The following PTPRD variants were observed in gnomAD, a reference collection of about 807,000 sequenced individuals.
PTPRD encodes receptor-type tyrosine-protein phosphatase delta.
Under a neutral mutation model 214.5 loss-of-function variants are expected in PTPRD, and 34 were observed. The ratio of observed to expected loss-of-function variants is 0.16; its 90% CI spans 0.12 to 0.21. The LOEUF (loss-of-function observed/expected upper bound fraction) is 0.21. PTPRD is among the 10% of genes least tolerant of loss of function. PTPRD has a pLI of 1.00. For synonymous variants in PTPRD, 1,128 were observed against 845.7 expected (o/e 1.33, Z -5.79); for missense variants, 2,545 against 2,398.7 (o/e 1.06, Z -1.27).
chr9:9,677,519 C>T (rs186127349), intron 7 of PTPRD, among the ~76,000 whole-genome samples: 26 of 152,072 alleles, frequency 1.7e-4, no homozygotes, highest in Non-Finnish European at 2.8e-4. Context: ...AATTCAACAA[C>T]ACTTCATGCT....
chr9:10,079,071 G>A (rs2098186323), intron 3 of PTPRD, among the ~76,000 whole-genome samples: 1 of 151,578 alleles, frequency 6.6e-6, no homozygotes, highest in African/African-American at 2.4e-5. Flanking sequence ...TTTACACCTG[G>A]GTGTACCTGT....
At chr9:10,083,909 C>A (rs978313258) in intron 3 of PTPRD, among the ~76,000 whole-genome samples, 10 of 152,014 alleles carry the variant, frequency 6.6e-5, no homozygotes, top group African/African-American at 2.4e-4. Flanking sequence ...CAGTTCCTAA[C>A]AGACCAGTCC....
chr9:8,634,305 C>A (rs1335163000), intron 13 of PTPRD, among the ~76,000 whole-genome samples: 1 of 151,458 alleles, frequency 6.6e-6, no homozygotes, highest in Non-Finnish European at 1.5e-5. Context: ...TCTGTCTTTT[C>A]TGTAACTATG....
intron 2 of PTPRD, among the ~76,000 whole-genome samples, chr9:10,568,728 GC>G (rs889900483): frequency 1.3e-5 from 2 of 152,220 alleles, no homozygotes; most frequent in African/African-American, 4.8e-5. Flanking sequence ...TATGTAGAAA[GC>G]TAAAACTGGA....
intron 4 of PTPRD, among the ~76,000 whole-genome samples, chr9:9,941,659 A>T (rs2091481174): frequency 6.6e-6 from 1 of 152,168 alleles, no homozygotes; most frequent in Non-Finnish European, 1.5e-5. Flanking sequence ...TCACAATGTA[A>T]GGAAAGGGTT....
chr9:9,693,808 AC>A (rs2097319586), intron 7 of PTPRD, among the ~76,000 whole-genome samples: 1 of 152,002 alleles, frequency 6.6e-6, no homozygotes, highest in Non-Finnish European at 1.5e-5. Context: ...GTCTCCTCTG[AC>A]TGTATTTTCA....
chr9:10,560,634 T>G (rs766303476), intron 2 of PTPRD, among the ~76,000 whole-genome samples: 1 of 150,024 alleles, frequency 6.7e-6, no homozygotes, highest in Non-Finnish European at 1.5e-5. Context: ...GGAGTAAGAA[T>G]AAGAGAATCT....
chr9:9,846,973 A>C (rs2059652087), intron 5 of PTPRD, among the ~76,000 whole-genome samples: 1 of 152,204 alleles, frequency 6.6e-6, no homozygotes, highest in Non-Finnish European at 1.5e-5. Flanking sequence ...ATATCATGCC[A>C]TAAAATATAT....
chr9:9,733,859 G>A (rs1238051001), intron 7 of PTPRD, among the ~76,000 whole-genome samples: 1 of 152,076 alleles, frequency 6.6e-6, no homozygotes, highest in Non-Finnish European at 1.5e-5. Flanking sequence ...GAATGTGATA[G>A]TGAGCAATAT....
At chr9:8,769,325 G>C (rs1269883045) in intron 11 of PTPRD, among the ~76,000 whole-genome samples, 3 of 152,106 alleles carry the variant, frequency 2.0e-5, no homozygotes, top group East Asian at 3.9e-4. Flanking sequence ...GTAAACACTA[G>C]TACTGAGAAC....
intron 3 of PTPRD, among the ~76,000 whole-genome samples, chr9:10,311,647 C>T (rs1438339389): frequency 6.6e-6 from 1 of 152,014 alleles, no homozygotes; most frequent in Non-Finnish European, 1.5e-5. Context: ...AATTAAAGCA[C>T]ATAAAGCTAC....
At chr9:9,729,743 G>C (rs892486464) in intron 7 of PTPRD, among the ~76,000 whole-genome samples, 3 of 151,500 alleles carry the variant, frequency 2.0e-5, no homozygotes, top group African/African-American at 7.3e-5. Flanking sequence ...CTATCAAATG[G>C]TTTGCAACAA....
At chr9:8,495,781 C>T (rs2136485595) in intron 26 of PTPRD, among the ~76,000 whole-genome samples, 1 of 152,262 alleles carries the variant, frequency 6.6e-6, no homozygotes, top group Non-Finnish European at 1.5e-5. Context: ...CACTGGCAAT[C>T]CCATGAGAAC....
At chr9:10,283,371 A>T (rs1218303200) in intron 3 of PTPRD, among the ~76,000 whole-genome samples, 1 of 152,218 alleles carries the variant, frequency 6.6e-6, no homozygotes, top group Admixed American at 6.5e-5. Context: ...CCATAAAGGC[A>T]AAGACAATGT....
chr9:9,216,227 G>GT (rs2099952109), intron 9 of PTPRD, among the ~76,000 whole-genome samples: 1 of 152,034 alleles, frequency 6.6e-6, no homozygotes, highest in Admixed American at 6.6e-5. Flanking sequence ...ATTTTACTCA[G>GT]TACTGTACAA....
chr9:10,271,452 GA>G (rs1052374705), intron 3 of PTPRD, among the ~76,000 whole-genome samples: 66 of 131,194 alleles, frequency 5.0e-4, no homozygotes, highest in African/African-American at 1.6e-3. Context: ...AAATTGCAAT[GA>G]AAAAATATTC....
intron 2 of PTPRD, among the ~76,000 whole-genome samples, chr9:10,566,170 C>A (rs2065542098): frequency 6.6e-6 from 1 of 151,936 alleles, no homozygotes; most frequent in South Asian, 2.1e-4. Context: ...TTTAACAATT[C>A]AACCTTTGTG....
rs549917814 is a variant in PTPRD, at chr9:10,322,168, T to C, written c.-545+18795A>G. Among the ~76,000 whole-genome samples, 10 of 152,170 alleles carry C rather than the reference T, an allele frequency of 6.6e-5. No individual in the cohort carries two copies. In the South Asian group the frequency reaches 1.9e-3, roughly 28 times the overall value. ...TTGATCAGCTTGTGAAAGACCAGCATGTACTCTTCACAACCATGAATATGA... is the reference window on the plus strand; with the variant it reads ...TTGATCAGCTTGTGAAAGACCAGCACGTACTCTTCACAACCATGAATATGA... On this transcript the variant is annotated intron_variant, in intron 3 of 45. Coordinates refer to ENST00000381196, the MANE Select transcript of PTPRD (RefSeq NM_002839.4).
intron 10 of PTPRD, among the ~76,000 whole-genome samples, chr9:9,080,093 A>G (rs182102982): frequency 2.0e-5 from 3 of 152,118 alleles, no homozygotes; most frequent in East Asian, 3.9e-4. Context: ...ACCCATAGTT[A>G]TTGTCTATTG....
Sources: allele counts gnomAD v4.1 joint callset (sites outside exome capture counted in the v4.1 genomes callset), GRCh38; gene constraint gnomAD v4.1.1; transcripts MANE v1.5; gene names NCBI Gene and HGNC (gene_info 2026-07-23, HGNC 2026-07-21).